PRKG1: variants seen among roughly 807,000 people sequenced by gnomAD.
The protein encoded by PRKG1 is protein kinase cGMP-dependent 1, also known as cGMP-dependent protein kinase 1.
In PRKG1, 35 loss-of-function variants were observed where a neutral mutation model predicts 88.1. That is an observed-to-expected ratio of 0.40 (90% CI 0.30 to 0.53). The LOEUF is 0.53. Among genes scored for constraint, PRKG1 ranks in the 20% least tolerant of loss-of-function variants. The probability of loss-of-function intolerance (pLI) is 0.59; values close to 1 mark genes in which losing one functional copy is unlikely to be tolerated. For synonymous variants in PRKG1, 303 were observed against 292.5 expected (o/e 1.04, Z -0.37); for missense variants, 540 against 839.8 (o/e 0.64, Z 4.41).
At chr10:51,268,408 C>A (rs1839892967) in intron 2 of PRKG1, among the ~76,000 whole-genome samples, 1 of 152,098 alleles carries the variant, frequency 6.6e-6, no homozygotes, top group South Asian at 2.1e-4. Context: ...CAGCTGCAAC[C>A]ATAAAAGACG....
At chr10:51,549,707 T>C (rs564856162) in intron 3 of PRKG1, among the ~76,000 whole-genome samples, 18 of 152,236 alleles carry the variant, frequency 1.2e-4, no homozygotes, top group African/African-American at 4.1e-4. Flanking sequence ...ACTCGTGGTG[T>C]TCTCTATTTG....
intron 2 of PRKG1, among the ~76,000 whole-genome samples, chr10:51,454,786 T>A (rs1056044805): frequency 1.3e-5 from 2 of 152,260 alleles, no homozygotes; most frequent in African/African-American, 4.8e-5. Flanking sequence ...TTCAGTTATC[T>A]CCCACTGGGT....
At chr10:51,201,393 A>G (rs369429658) in intron 2 of PRKG1, among the ~76,000 whole-genome samples, 189 of 152,330 alleles carry the variant, frequency 1.2e-3, no homozygotes, top group African/African-American at 4.4e-3. Flanking sequence ...CGGAGGTTGC[A>G]GTGAGCCGAG....
At chr10:51,581,551 TCTG>T (rs1838035774) in intron 3 of PRKG1, among the ~76,000 whole-genome samples, 1 of 152,126 alleles carries the variant, frequency 6.6e-6, no homozygotes, top group Admixed American at 6.5e-5. Context: ...CATCTGCTTT[TCTG>T]GGATAGGAAT....
intron 9 of PRKG1, among the ~76,000 whole-genome samples, chr10:52,198,495 GGAAAAACTATAATAATT>G (rs1224196613): frequency 6.6e-6 from 1 of 152,060 alleles, no homozygotes; most frequent in Non-Finnish European, 1.5e-5. Flanking sequence ...AATAGAATCA[GGAAAAACTATAATAATT>G]AGAATGATAA....
intron 2 of PRKG1, among the ~76,000 whole-genome samples, chr10:51,405,059 G>A (rs1021531567): frequency 1.3e-5 from 2 of 152,170 alleles, no homozygotes; most frequent in African/African-American, 2.4e-5. Flanking sequence ...ATGGTAATGA[G>A]TCTTATATAT....
intron 4 of PRKG1, among the ~76,000 whole-genome samples, chr10:51,812,001 A>C (rs1029147859): frequency 6.6e-6 from 1 of 152,198 alleles, no homozygotes; most frequent in Non-Finnish European, 1.5e-5. Context: ...ATTAATATGA[A>C]GAGTGCCTGG....
chr10:52,039,632 C>G (rs1409115116), intron 5 of PRKG1, among the ~76,000 whole-genome samples: 3 of 152,118 alleles, frequency 2.0e-5, no homozygotes, highest in South Asian at 4.1e-4. Context: ...ACTGCCACCT[C>G]AGCTCATTCC....
At chr10:51,897,888 A>G (rs10762479) in intron 4 of PRKG1, among the ~76,000 whole-genome samples, 104,447 of 151,824 alleles carry the variant, frequency 0.69, 36,413 homozygotes, top group African/African-American at 0.8. Context: ...TCATGTGTAA[A>G]TAAGATAAAT....
chr10:51,816,486 T>C lies in PRKG1; in HGVS notation c.698+11796T>C, dbSNP rs1015353035. ...ATTGAAAATATTCCTTGGAAGTGCA[T>C]TGCTATAAACATTTCAATTCATGGA... On this transcript the variant is annotated intron_variant, in intron 4 of 17. Transcript: ENST00000373980. Among the ~76,000 whole-genome samples, 5 of 152,102 alleles carry C rather than the reference T, an allele frequency of 3.3e-5. 1 individual carries two copies. Among genetic ancestry groups the C allele is most frequent in the Admixed American group, 1.3e-4 (2 of 15,274 alleles).
chr10:51,249,626 C>G (rs74133551), intron 2 of PRKG1, among the ~76,000 whole-genome samples: 1 of 145,692 alleles, frequency 6.9e-6, no homozygotes, highest in African/African-American at 2.8e-5. Context: ...AGAAAGGAGA[C>G]AGAACATAAA....
At chr10:52,285,070 T>TA (rs1427807703) in intron 14 of PRKG1, among the ~76,000 whole-genome samples, 1 of 151,986 alleles carries the variant, frequency 6.6e-6, no homozygotes, top group Non-Finnish European at 1.5e-5. Context: ...AATCTAAGGA[T>TA]AAGTAATGGT....
intron 7 of PRKG1, among the ~76,000 whole-genome samples, chr10:52,132,473 T>C (rs1392753715): frequency 6.6e-6 from 1 of 152,094 alleles, no homozygotes; most frequent in Non-Finnish European, 1.5e-5. Flanking sequence ...CTAAACAGCA[T>C]GGTATAGCAA....
At chr10:52,058,525 G>C (rs1041075764) in intron 6 of PRKG1, among the ~76,000 whole-genome samples, 1 of 151,962 alleles carries the variant, frequency 6.6e-6, no homozygotes, top group African/African-American at 2.4e-5. Context: ...TACTTAAGGT[G>C]AGAAACAGAG....
At chr10:51,578,945 C>T (rs189159489) in intron 3 of PRKG1, among the ~76,000 whole-genome samples, 48 of 145,910 alleles carry the variant, frequency 3.3e-4, no homozygotes, top group African/African-American at 1.1e-3. Context: ...GCCATTTAGC[C>T]ATTTTTCCAG....
At chr10:51,383,653 G>C (rs759082070) in intron 2 of PRKG1, among the ~76,000 whole-genome samples, 2 of 152,098 alleles carry the variant, frequency 1.3e-5, no homozygotes, top group Non-Finnish European at 2.9e-5. Context: ...TGACTGACCT[G>C]TCCCATATCA....
In PRKG1 at chr10:51,840,489, G is replaced by A. The variant is rs116304993; in HGVS notation, c.698+35799G>A. On this transcript the variant is annotated intron_variant, in intron 4 of 17. Coordinates refer to ENST00000373980, the MANE Select transcript of PRKG1 (RefSeq NM_006258.4). Reference sequence around the variant, plus strand: ...CAGAATACAACTTTTGTTTTGTAATGCCACCTATGTCTTTATTGAACCCTC... The same window carrying A: ...CAGAATACAACTTTTGTTTTGTAATACCACCTATGTCTTTATTGAACCCTC... Among the ~76,000 whole-genome samples the A allele has an allele frequency of 2.3e-3, 350 of 151,496 alleles. 1 individual carries two copies. The highest frequency in any genetic ancestry group is 8.2e-3 in the African/African-American group (340 of 41,356).
intron 8 of PRKG1, among the ~76,000 whole-genome samples, chr10:52,155,536 T>C (rs191748738): frequency 4.0e-4 from 61 of 152,102 alleles, no homozygotes; most frequent in African/African-American, 1.3e-3. Flanking sequence ...TTAAGTTGGT[T>C]ATAGTATAAG....
At chr10:51,177,412 T>C (rs1589222258) in intron 2 of PRKG1, among the ~76,000 whole-genome samples, 1 of 152,242 alleles carries the variant, frequency 6.6e-6, no homozygotes. Context: ...ATTACTTTTT[T>C]TCTGTTAACA....
Sources: allele counts gnomAD v4.1 joint callset (sites outside exome capture counted in the v4.1 genomes callset), GRCh38; gene constraint gnomAD v4.1.1; transcripts MANE v1.5; gene names NCBI Gene and HGNC (gene_info 2026-07-23, HGNC 2026-07-21).